KIF16B: variants seen among roughly 807,000 people sequenced by gnomAD.
KIF16B encodes the protein kinesin-like protein KIF16B.
KIF16B carries 98 observed loss-of-function variants against 156.3 expected under a neutral mutation model. The observed-to-expected ratio is 0.63, with a 90% CI of 0.53 to 0.74. KIF16B has a LOEUF of 0.74. Ranked by LOEUF, KIF16B falls within the 30% of genes least tolerant of loss-of-function variation. KIF16B has a pLI of 0.00. For synonymous variants in KIF16B, 564 were observed against 583.7 expected, an observed-to-expected ratio of 0.97 and a Z score of 0.49; for missense variants, 1,421 against 1,606.5, an observed-to-expected ratio of 0.88 and a Z score of 1.97.
chr20:16,421,317 T>C (rs1436637990), intron 15 of KIF16B, among the ~76,000 whole-genome samples: 4 of 152,170 alleles, frequency 2.6e-5, no homozygotes, highest in Admixed American at 6.6e-5. Flanking sequence ...TGCTGTTTTT[T>C]TCCTTTAGCT....
chr20:16,384,681 CA>C (rs1397003238), intron 17 of KIF16B, among the ~76,000 whole-genome samples: 18 of 152,134 alleles, frequency 1.2e-4, no homozygotes, highest in Admixed American at 5.2e-4. Flanking sequence ...TTAGTGGTAG[CA>C]ACTTAAGCAG....
At chr20:16,280,012 C>G (rs1243721427) in intron 25 of KIF16B, among the ~76,000 whole-genome samples, 1 of 152,186 alleles carries the variant, frequency 6.6e-6, no homozygotes, top group Non-Finnish European at 1.5e-5. Flanking sequence ...CTGCTACATG[C>G]TATTCCATTT....
intron 20 of KIF16B, among the ~76,000 whole-genome samples, chr20:16,372,697 T>A (rs556708511): frequency 3.4e-4 from 52 of 152,298 alleles, no homozygotes; most frequent in Admixed American, 2.5e-3. Context: ...ACTGATTAGA[T>A]GCATTATTAT....
At chr20:16,474,243 C>T (rs532263043) in intron 12 of KIF16B, among the ~76,000 whole-genome samples, 1 of 152,214 alleles carries the variant, frequency 6.6e-6, no homozygotes, top group African/African-American at 2.4e-5. Context: ...TGTGACCCCA[C>T]CAATCCTAAC....
chr20:16,493,204 C>T (rs1375600516), intron 12 of KIF16B, among the ~76,000 whole-genome samples: 2 of 152,192 alleles, frequency 1.3e-5, no homozygotes, highest in African/African-American at 4.8e-5. Flanking sequence ...ACCATCACAA[C>T]CTACCACCAT....
At chr20:16,300,218 T>A (rs2063452102) in intron 25 of KIF16B, among the ~76,000 whole-genome samples, 1 of 152,184 alleles carries the variant, frequency 6.6e-6, no homozygotes, top group Non-Finnish European at 1.5e-5. Flanking sequence ...ACGTTGAACT[T>A]GAGTTTGGGA....
chr20:16,492,528 ATAGT>A (rs2068325356), intron 12 of KIF16B, among the ~76,000 whole-genome samples: 1 of 152,220 alleles, frequency 6.6e-6, no homozygotes, highest in African/African-American at 2.4e-5. Context: ...AAAAAAGAAA[ATAGT>A]TAGACTTATT....
At chr20:16,528,987 C>T (rs1275631117) in intron 1 of KIF16B, among the ~76,000 whole-genome samples, 1 of 152,214 alleles carries the variant, frequency 6.6e-6, no homozygotes, top group East Asian at 1.9e-4. Flanking sequence ...AATGACCATA[C>T]ATTTACCCAA....
intron 25 of KIF16B, among the ~76,000 whole-genome samples, chr20:16,276,347 A>G (rs182430481): frequency 6.6e-6 from 1 of 152,364 alleles, no homozygotes; most frequent in East Asian, 1.9e-4. Context: ...GAGCACCACC[A>G]TAAGAAGAGA....
intron 1 of KIF16B, among the ~76,000 whole-genome samples, chr20:16,540,507 G>C (rs973129744): frequency 3.3e-5 from 5 of 152,144 alleles, no homozygotes; most frequent in Admixed American, 3.3e-4. Context: ...AAAAGCTACT[G>C]ACCCTCTTCT....
chr20:16,407,403 T>G (rs2065813349), intron 15 of KIF16B, among the ~76,000 whole-genome samples: 1 of 152,134 alleles, frequency 6.6e-6, no homozygotes, highest in Non-Finnish European at 1.5e-5. Flanking sequence ...ACACATGCAC[T>G]GACAGTCAAC....
chr20:16,273,417 G>A lies in KIF16B; in HGVS notation c.3796-6C>T. 6.2e-7 allele frequency: 1 copy of A among 1,613,920 alleles called. No individual in the cohort carries two copies. The highest frequency in any genetic ancestry group is 1.3e-5 in the African/African-American group (1 of 75,026). On this transcript the variant is annotated splice_region_variant and splice_polypyrimidine_tract_variant and intron_variant, in intron 25 of 25. Coordinates refer to ENST00000354981, the MANE Select transcript of KIF16B (RefSeq NM_024704.5). ...AAAAAGTCCCTGAGGTATTTCTGTG[G>A]AAGAGACAAGAGTTAAGAACATGGT...
chr20:16,450,155 G>C (rs1226699579), intron 12 of KIF16B, among the ~76,000 whole-genome samples: 1 of 152,080 alleles, frequency 6.6e-6, no homozygotes, highest in Non-Finnish European at 1.5e-5. Flanking sequence ...TGAGCATTTG[G>C]TCAAAAATCC....
At chr20:16,355,031 T>G (rs1047028747) in intron 23 of KIF16B, among the ~76,000 whole-genome samples, 2 of 151,868 alleles carry the variant, frequency 1.3e-5, no homozygotes, top group African/African-American at 2.4e-5. Context: ...GCCCTGTTTT[T>G]TTTTTTCTTT....
chr20:16,568,386 G>C (rs2071336696), intron 1 of KIF16B, among the ~76,000 whole-genome samples: 1 of 152,188 alleles, frequency 6.6e-6, no homozygotes, highest in Non-Finnish European at 1.5e-5. Flanking sequence ...TTTGAATAAA[G>C]TTACAATTAT....
At chr20:16,462,655 T>C (rs543558046) in intron 12 of KIF16B, among the ~76,000 whole-genome samples, 77 of 152,198 alleles carry the variant, frequency 5.1e-4, no homozygotes, top group African/African-American at 1.7e-3. Context: ...AAAAAAATTA[T>C]TTAGACAGTT....
chr20:16,554,839 A>C (rs2070789260), intron 1 of KIF16B, among the ~76,000 whole-genome samples: 1 of 152,234 alleles, frequency 6.6e-6, no homozygotes, highest in Non-Finnish European at 1.5e-5. Context: ...TTTGCAGTAC[A>C]TCTGGTCCAG....
intron 25 of KIF16B, among the ~76,000 whole-genome samples, chr20:16,310,197 G>A (rs2063598774): frequency 6.6e-6 from 1 of 152,210 alleles, no homozygotes; most frequent in Admixed American, 6.5e-5. Context: ...GTTCTCTAGA[G>A]GATAATGCCA....
chr20:16,367,572 T>C (rs752037412), intron 22 of KIF16B: 3 of 1,612,900 alleles, frequency 1.9e-6, no homozygotes, highest in Non-Finnish European at 2.5e-6. Flanking sequence ...CTTTCACTGT[T>C]GTGTAGAGCA....
Sources: allele counts gnomAD v4.1 joint callset (sites outside exome capture counted in the v4.1 genomes callset), GRCh38; gene constraint gnomAD v4.1.1; transcripts MANE v1.5; gene names NCBI Gene and HGNC (gene_info 2026-07-23, HGNC 2026-07-21).